The following TFEB variants were observed in gnomAD, a reference collection of about 807,000 sequenced individuals.
TFEB encodes the protein transcription factor EB.
TFEB carries 12 observed loss-of-function variants against 48.0 expected under a neutral mutation model. The ratio of observed to expected loss-of-function variants is 0.25; its 90% CI spans 0.16 to 0.40. TFEB has a LOEUF of 0.40. Ranked by LOEUF, TFEB falls within the 10% of genes least tolerant of loss-of-function variation. TFEB has a pLI of 1.00. For synonymous variants in TFEB, 244 were observed against 261.4 expected (o/e 0.93, Z 0.64); for missense variants, 509 against 640.3 (o/e 0.79, Z 2.21).
At chr6:41,686,584 C>T (rs1021215198) in intron 7 of TFEB, 1 of 231,336 alleles carries the variant, frequency 4.3e-6, no homozygotes, top group Non-Finnish European at 8.4e-6. Context: ...AGCGAGATCT[C>T]GGCTCACTGC....
chr6:41,734,801 G>T lies in TFEB; in HGVS notation c.-23+549C>A. The T allele has an allele frequency of 1.4e-6, 1 of 703,316 alleles. No homozygotes were observed. Among genetic ancestry groups the T allele is most frequent in the Non-Finnish European group, 1.7e-6 (1 of 572,676 alleles). 43.6% of individuals were successfully genotyped at this position (703,316 alleles called of 1,614,324 possible). ...GGAGGGAGAGATGGTACTTCCACCC[G>T]CCCCCCCATCAGCCCAGCCCCCGGG... On this transcript the variant is annotated intron_variant, in intron 1 of 8. Coordinates refer to ENST00000373033, the MANE Select transcript of TFEB (RefSeq NM_001271944.2). The surrounding 1 kb of genome is among the most constrained non-coding windows in gnomAD (Gnocchi z 4.0).
Position 41,726,232 on chromosome 6 carries a change from C to T in TFEB, c.-23+9118G>A, listed in dbSNP as rs137991146. Reference sequence around the variant, plus strand: ...GCCTGACGTAAAAGAACATGTCCAGCGCCATTCCATCTGTATTAAATTCAG... The same window carrying T: ...GCCTGACGTAAAAGAACATGTCCAGTGCCATTCCATCTGTATTAAATTCAG... On this transcript the variant is annotated intron_variant, in intron 1 of 8. Transcript: ENST00000373033. Among the ~76,000 whole-genome samples the T allele has an allele frequency of 5.9e-5, 9 of 152,322 alleles. No individual in the cohort carries two copies. In the South Asian group the frequency reaches 6.2e-4, roughly 11 times the overall value.
intron 1 of TFEB, among the ~76,000 whole-genome samples, chr6:41,713,080 G>A (rs1307437675): frequency 6.6e-6 from 1 of 152,038 alleles, no homozygotes; most frequent in Non-Finnish European, 1.5e-5. Flanking sequence ...CCAGGAGAAG[G>A]AGCAAGAGAA....
intron 1 of TFEB, among the ~76,000 whole-genome samples, chr6:41,695,644 G>T (rs1769537326): frequency 6.6e-6 from 1 of 152,154 alleles, no homozygotes; most frequent in Non-Finnish European, 1.5e-5. Flanking sequence ...ACTATTCTGG[G>T]CTCTCCCAGC....
At position 41,690,580 on chromosome 6, in the gene TFEB, G is replaced by C. The variant is rs1769249045; in HGVS notation, c.468+83C>G. On this transcript the variant is annotated intron_variant, in intron 3 of 8. Coordinates refer to ENST00000373033, the MANE Select transcript of TFEB (RefSeq NM_001271944.2). ...TCTCCCTGAAGGCACCCCTGCCTCT[G>C]CCATTAGACTGGGAGTCTCAGAAGC... is the stretch of plus-strand genomic sequence containing the variant. 2.1e-6 allele frequency: 3 copies of C among 1,413,048 alleles called. No homozygotes were observed. The South Asian group carries it at 5.0e-5, about 24-fold the overall frequency. 87.5% of individuals were successfully genotyped at this position (1,413,048 alleles called of 1,614,324 possible). A position where few individuals can be genotyped will look rare whatever the true frequency, so the allele number is the denominator to read the frequency against.
intron 8 of TFEB, 47 bp downstream of exon 8, chr6:41,686,043 A>G (rs763072225): frequency 3.4e-5 from 54 of 1,611,246 alleles, no homozygotes; most frequent in Non-Finnish European, 4.1e-5. Flanking sequence ...GCCAGGAGCC[A>G]GGTTAAGGGT....
At chr6:41,709,520 T>C (rs1469470331) in intron 1 of TFEB, among the ~76,000 whole-genome samples, 2 of 137,456 alleles carry the variant, frequency 1.5e-5, no homozygotes, top group African/African-American at 2.7e-5. Context: ...AAAGTAGATA[T>C]AATGGTTGGT....
At chr6:41,695,746 C>T (rs1387850290) in intron 1 of TFEB, among the ~76,000 whole-genome samples, 1 of 152,172 alleles carries the variant, frequency 6.6e-6, no homozygotes, top group African/African-American at 2.4e-5. Flanking sequence ...TATAGTTCTT[C>T]GTTCCACTGG....
chr6:41,735,574 C>A lies in TFEB; in HGVS notation c.-247G>T. The A allele has an allele frequency of 3.0e-6, 3 of 984,514 alleles. No individual in the cohort carries two copies. The highest frequency in any genetic ancestry group is 4.7e-5 in the South Asian group (1 of 21,416). The allele number at this position is 984,514 out of a possible 1,614,324, so 61.0% of individuals were successfully genotyped here. ...CGCCGCCTCCGCTGTCACCGAGCCC[C>A]GCGCCCGGCGCCCGGGCTCCGGCTG... On this transcript the variant is annotated 5_prime_UTR_variant, in exon 1 of 9. Transcript: ENST00000373033.
Position 41,723,806 on chromosome 6 carries a change from C to T in TFEB, c.-23+11544G>A, listed in dbSNP as rs189054165. The T allele has an allele frequency of 4.9e-3, 1,891 of 388,434 alleles. 15 individuals carry two copies. The highest frequency in any genetic ancestry group is 6.6e-3 in the South Asian group (359 of 54,050). 24.1% of individuals were successfully genotyped at this position (388,434 alleles called of 1,614,324 possible). On this transcript the variant is annotated intron_variant, in intron 1 of 8. Transcript: ENST00000373033. This position sits in a 1 kb window ranked among gnomAD's most constrained non-coding sequence, Gnocchi z 6.0. ...CCTCCCACAGGAGGCCTCTCATGGC[C>T]GCCCTGACCCCAGCCTGACCTCAGA...
intron 1 of TFEB, among the ~76,000 whole-genome samples, chr6:41,722,982 A>C (rs1353568575): frequency 1.3e-5 from 2 of 152,192 alleles, no homozygotes; most frequent in Non-Finnish European, 2.9e-5. Context: ...ATGAAACTGC[A>C]AAACGACAGG....
rs1357876713 is a variant in TFEB at position 41,734,314 on chromosome 6, C to T, written c.-23+1036G>A. On this transcript the variant is annotated intron_variant, in intron 1 of 8. Transcript: ENST00000373033. This position sits in a 1 kb window ranked among gnomAD's most constrained non-coding sequence, Gnocchi z 4.0. ...CCCCGGGCTCCCTCCCTTCCTCACC[C>T]GGGGCGCGGGGCTGGGGCGCGCCAG... 88 of 983,596 alleles carry T rather than the reference C, an allele frequency of 8.9e-5. No individual in the cohort carries two copies. Among genetic ancestry groups the T allele is most frequent in the Non-Finnish European group, 1.0e-4 (87 of 828,636 alleles). 60.9% of individuals were successfully genotyped at this position (983,596 alleles called of 1,614,324 possible). A position where few individuals can be genotyped will look rare whatever the true frequency, so the allele number is the denominator to read the frequency against.
intron 1 of TFEB, among the ~76,000 whole-genome samples, chr6:41,710,883 C>T (rs1770445077): frequency 6.6e-6 from 1 of 152,192 alleles, no homozygotes; most frequent in Non-Finnish European, 1.5e-5. Flanking sequence ...TGACTTCACC[C>T]ACCTCTAATC....
At chr6:41,686,509 T>C (rs1341953206) in intron 7 of TFEB, 1 of 38,234 alleles carries the variant, frequency 2.6e-5, no homozygotes, top group Non-Finnish European at 6.5e-5. Context: ...CCTACCTTTC[T>C]TTTTTTTTTT....
In TFEB at chr6:41,684,324, ACCCTGCCCCT is replaced by A; in HGVS notation, c.*265_*274del. On this transcript the variant is annotated 3_prime_UTR_variant, in exon 9 of 9. Coordinates refer to ENST00000373033, the MANE Select transcript of TFEB (RefSeq NM_001271944.2). ...CAGGCCCTCTTCTCACCTCTAGAAC[ACCCTGCCCCT>A]CCCTGCCCCGCGATTCCATCTCCGG... 1 of 369,836 alleles carries A rather than the reference ACCCTGCCCCT, an allele frequency of 2.7e-6. No individual in the cohort carries two copies. The highest frequency in any genetic ancestry group is 4.8e-6 in the Non-Finnish European group (1 of 207,210). The allele number at this position is 369,836 out of a possible 1,614,324, so 22.9% of individuals were successfully genotyped here.
At chr6:41,707,044 C>T (rs1195543485) in intron 1 of TFEB, among the ~76,000 whole-genome samples, 2 of 152,164 alleles carry the variant, frequency 1.3e-5, no homozygotes, top group Non-Finnish European at 2.9e-5. Context: ...GCTCCATGCC[C>T]TCCTGCCTGC....
In TFEB at chr6:41,684,688, C is replaced by T; in HGVS notation, c.1342G>A (p.Asp448Asn). ...LDDSLLPLAS[D>N]PLLSTMSPEA... ...GGGGACATGGTGGACAGAAGTGGAT[C>T]AGAGGCCAGCGGTAGCAGTGAGTCG... is the stretch of plus-strand genomic sequence containing the variant. Residue 448 changes from aspartate to asparagine, a missense_variant, in exon 9 of 9, where the codon GAT becomes AAT. By Grantham distance (23) the Asp-to-Asn change is conservative (BLOSUM62 1). Around this residue, in one of 4 missense-constraint regions of TFEB, gnomAD observed 168 missense variants for 161.0 expected, o/e 1.04. Coordinates refer to ENST00000373033, the MANE Select transcript of TFEB (RefSeq NM_001271944.2). 1 of 1,613,648 alleles carries T rather than the reference C, an allele frequency of 6.2e-7. No homozygotes were observed. Among genetic ancestry groups the T allele is most frequent in the Non-Finnish European group, 8.5e-7 (1 of 1,179,874 alleles).
intron 1 of TFEB, among the ~76,000 whole-genome samples, chr6:41,718,990 G>A (rs1035279997): frequency 1.3e-5 from 2 of 152,200 alleles, no homozygotes; most frequent in Admixed American, 6.5e-5. Flanking sequence ...AGCAGGAGGT[G>A]AGTGGTGGGC....
At position 41,684,798 on chromosome 6, in the gene TFEB, G is replaced by A. The variant is rs767286999; in HGVS notation, c.1232C>T (p.Pro411Leu). 15 of 1,603,758 alleles carry A rather than the reference G, an allele frequency of 9.4e-6. No homozygotes were observed. Among genetic ancestry groups the A allele is most frequent in the African/African-American group, 2.7e-5 (2 of 74,554 alleles). Reference sequence around the variant, plus strand: ...CGGCGCCAGGGGTTCGGGGTAGCCCGGGGGACCCTCGTCCTCCCTGCCCCC... The same window carrying A: ...CGGCGCCAGGGGTTCGGGGTAGCCCAGGGGACCCTCGTCCTCCCTGCCCCC... ...SFGGREDEGP[P>L]GYPEPLAPGH... The change falls in exon 9 of 9, where the codon CCG becomes CTG. Residue 411 changes from proline to leucine, a missense_variant. By Grantham distance (98) the Pro-to-Leu change is moderately conservative. Around this residue, in one of 4 missense-constraint regions of TFEB, gnomAD observed 168 missense variants for 161.0 expected, o/e 1.04. Transcript: ENST00000373033.
Sources: gnomAD v4.1 joint callset for allele counts (sites outside exome capture counted in the v4.1 genomes callset) on GRCh38, gnomAD v4.1.1 for gene constraint, gnomAD v4.1.1 regional missense constraint, Gnocchi (gnomAD v3.1) non-coding constraint, MANE v1.5 for transcripts, NCBI Gene and HGNC (gene_info 2026-07-23, HGNC 2026-07-21) for gene names.